The following KIF4A variants were observed in gnomAD, a reference collection of about 807,000 sequenced individuals.
KIF4A encodes the protein chromosome-associated kinesin KIF4A.
In KIF4A, 7 loss-of-function variants were observed where a neutral mutation model predicts 105.9. The ratio of observed to expected loss-of-function variants is 0.07; its 90% CI spans 0.04 to 0.12. The LOEUF (loss-of-function observed/expected upper bound fraction) is 0.12, where lower values mean the gene tolerates loss of function less well. Among genes scored for constraint, KIF4A ranks in the 10% least tolerant of loss-of-function variants. The pLI, the probability that KIF4A is intolerant of heterozygous loss-of-function variation, is 1.00. For missense variants in KIF4A, 558 were observed against 929.2 expected, an observed-to-expected ratio of 0.60 and a Z score of 5.19; for synonymous variants, 281 against 331.3, an observed-to-expected ratio of 0.85 and a Z score of 1.65.
intron 10 of KIF4A, 92 bp downstream of exon 10, chrX:70,333,781 G>A (rs1199957589): frequency 1.8e-5 from 11 of 621,663 alleles, no homozygotes; most frequent in African/African-American, 4.4e-5. Flanking sequence ...AGCACTTGGT[G>A]TCACGGTAAG....
At chrX:70,364,905 C>T (rs1258596506) in intron 15 of KIF4A, among the ~76,000 whole-genome samples, 4 of 111,230 alleles carry the variant, frequency 3.6e-5, no homozygotes, top group Non-Finnish European at 5.7e-5. Context: ...GTTTGTATCC[C>T]CTTTTATTTC....
intron 7 of KIF4A, 109 bp downstream of exon 7, chrX:70,302,507 C>T (rs1348514438): frequency 5.3e-6 from 4 of 754,815 alleles, no homozygotes; most frequent in East Asian, 3.4e-5. Flanking sequence ...ACAGTAGCTA[C>T]GATTCAGATT....
chrX:70,404,701 G>A lies in KIF4A; in HGVS notation c.2791-14G>A, dbSNP rs1293450845. The A allele has an allele frequency of 9.4e-6, 11 of 1,171,798 alleles. No homozygotes were observed. Among genetic ancestry groups the A allele is most frequent in the Non-Finnish European group, 1.2e-5 (10 of 864,746 alleles). On this transcript the variant is annotated splice_polypyrimidine_tract_variant and intron_variant, in intron 24 of 30. Transcript: ENST00000374403. ...TACCTTTGTTACCACCCATTGGATC[G>A]TGTCTTTCTCTAGGTGCTGTACCTT...
chrX:70,388,107 G>A (rs189767199), intron 20 of KIF4A, among the ~76,000 whole-genome samples: 1 of 110,904 alleles, frequency 9.0e-6, no homozygotes, highest in African/African-American at 3.3e-5. Flanking sequence ...CCATTAATCT[G>A]CTTTCTGTCA....
intron 15 of KIF4A, among the ~76,000 whole-genome samples, chrX:70,361,194 C>G (rs764130232): frequency 1.8e-5 from 2 of 113,587 alleles, no homozygotes; most frequent in East Asian, 5.6e-4. Context: ...TCACTAACCT[C>G]TGCCCACACC....
chrX:70,333,725 A>G, intron 10 of KIF4A, 36 bp downstream of exon 10: 1 of 952,483 alleles, frequency 1.0e-6, no homozygotes, highest in Non-Finnish European at 1.5e-6. Context: ...TGTGTATTCT[A>G]ATAGAGGCTA....
chrX:70,371,772 T>C (rs2086136190), intron 15 of KIF4A, among the ~76,000 whole-genome samples: 1 of 99,984 alleles, frequency 1.0e-5, no homozygotes, highest in Non-Finnish European at 2.0e-5. Flanking sequence ...CCAGACGGGG[T>C]GGCTGCCAGG....
intron 15 of KIF4A, among the ~76,000 whole-genome samples, chrX:70,364,495 G>A (rs1297257087): frequency 9.2e-6 from 1 of 108,117 alleles, no homozygotes; most frequent in African/African-American, 3.4e-5. Flanking sequence ...TATTAAATAG[G>A]GAATCCTTTC....
At chrX:70,396,084 T>G (rs2086258575) in intron 22 of KIF4A, 35 bp downstream of exon 22, 1 of 1,004,389 alleles carries the variant, frequency 1.0e-6, no homozygotes, top group Non-Finnish European at 1.4e-6. Context: ...TTATAAAAAT[T>G]TATGCCTGGA....
At chrX:70,413,520 A>G (rs1372471926) in intron 28 of KIF4A, among the ~76,000 whole-genome samples, 1 of 109,162 alleles carries the variant, frequency 9.2e-6, no homozygotes, top group Non-Finnish European at 1.9e-5. Flanking sequence ...TGTAATCCCA[A>G]CCACTCAGGA....
At chrX:70,366,933 C>T (rs2086106509) in intron 15 of KIF4A, among the ~76,000 whole-genome samples, 1 of 111,793 alleles carries the variant, frequency 8.9e-6, no homozygotes, top group Non-Finnish European at 1.9e-5. Context: ...TCTGGGTGCT[C>T]CTGTATTGGG....
At chrX:70,364,252 C>T (rs897522873) in intron 15 of KIF4A, among the ~76,000 whole-genome samples, 2 of 111,403 alleles carry the variant, frequency 1.8e-5, no homozygotes, top group African/African-American at 6.5e-5. Context: ...TAATTAGATC[C>T]CATTTGTCAA....
intron 28 of KIF4A, among the ~76,000 whole-genome samples, chrX:70,413,370 A>C (rs1470258029): frequency 1.8e-5 from 2 of 112,166 alleles, no homozygotes; most frequent in Non-Finnish European, 3.8e-5. Flanking sequence ...GCAGTGGCTC[A>C]CGCCTATAAT....
chrX:70,312,508 G>A (rs184502856), intron 7 of KIF4A, among the ~76,000 whole-genome samples: 1 of 111,424 alleles, frequency 9.0e-6, no homozygotes, highest in Non-Finnish European at 1.9e-5. Context: ...TCAAGTCCCT[G>A]GAATTTGTTT....
intron 7 of KIF4A, among the ~76,000 whole-genome samples, chrX:70,327,766 T>A (rs1281238843): frequency 8.9e-5 from 10 of 112,144 alleles, no homozygotes; most frequent in Non-Finnish European, 1.7e-4. Flanking sequence ...GTGGATCTCA[T>A]CTGTTTGGTT....
intron 18 of KIF4A, among the ~76,000 whole-genome samples, chrX:70,380,801 A>G (rs2086194546): frequency 8.9e-6 from 1 of 112,345 alleles, no homozygotes; most frequent in Non-Finnish European, 1.9e-5. Flanking sequence ...CTAAAAGTCT[A>G]TTAGAATTAA....
chrX:70,376,319 T>C (rs2086175011), intron 18 of KIF4A, 109 bp downstream of exon 18: 1 of 459,216 alleles, frequency 2.2e-6, no homozygotes, highest in East Asian at 3.7e-5. Flanking sequence ...AGTGTGACAT[T>C]CTCATGAATT....
intron 15 of KIF4A, among the ~76,000 whole-genome samples, chrX:70,356,822 C>T (rs1190336372): frequency 8.9e-6 from 1 of 111,740 alleles, no homozygotes; most frequent in African/African-American, 3.3e-5. Flanking sequence ...CACTGCCTCA[C>T]CTTCTTCTTT....
At chrX:70,352,449 G>T in intron 13 of KIF4A, 151 bp from the exon 14 acceptor site, 1 of 333,990 alleles carries the variant, frequency 3.0e-6, no homozygotes. Context: ...AAATGGAAAC[G>T]TGACTATTGG....
Sources: gnomAD v4.1 joint callset for allele counts (sites outside exome capture counted in the v4.1 genomes callset) on GRCh38, gnomAD v4.1.1 for gene constraint, MANE v1.5 for transcripts, NCBI Gene and HGNC (gene_info 2026-07-23, HGNC 2026-07-21) for gene names.